DPH1: variants seen among roughly 807,000 people sequenced by gnomAD.
DPH1 encodes the protein 2-(3-amino-3-carboxypropyl)histidine synthase subunit 1.
In DPH1, 59 loss-of-function variants were observed where a neutral mutation model predicts 55.3. That is an observed-to-expected ratio of 1.07 (90% CI 0.87 to 1.33). DPH1 has a LOEUF of 1.33. Ranked by LOEUF, DPH1 falls within the 40% of genes most tolerant of loss-of-function variation. The pLI is 0.00. For synonymous variants in DPH1, 238 were observed against 235.5 expected (o/e 1.01, Z -0.10); for missense variants, 628 against 584.8 (o/e 1.07, Z -0.76).
At chr17:2,040,969 G>A (rs1597287348) in intron 9 of DPH1, 134 bp from the exon 10 acceptor site, 1 of 869,016 alleles carries the variant, frequency 1.2e-6, no homozygotes, top group Admixed American at 2.1e-5. Flanking sequence ...ACAGCAGTGG[G>A]TCACTGTCTT....
rs149243020 is a variant in DPH1, at chr17:2,042,859, T to C, written c.*273T>C. 3.8e-5 allele frequency: 61 copies of C among 1,614,066 alleles called. No individual in the cohort carries two copies. The highest frequency in any genetic ancestry group is 4.9e-5 in the Non-Finnish European group (58 of 1,180,020). Reference sequence around the variant, plus strand: ...CTTCCCCTTGCCACGGTTTATCCTCTTGGTGTCTGGTTTCTGTCCCCGGGG... The same window carrying C: ...CTTCCCCTTGCCACGGTTTATCCTCCTGGTGTCTGGTTTCTGTCCCCGGGG... On this transcript the variant is annotated 3_prime_UTR_variant, in exon 13 of 13. Transcript: ENST00000263083.
chr17:2,040,414 C>G, intron 8 of DPH1, 40 bp downstream of exon 8: 1 of 1,613,402 alleles, frequency 6.2e-7, no homozygotes, highest in African/African-American at 1.3e-5. Flanking sequence ...AGGGAAGTGA[C>G]TGGGAACACA....
intron 9 of DPH1, 55 bp downstream of exon 9, chr17:2,040,660 C>T: frequency 6.3e-7 from 1 of 1,585,264 alleles, no homozygotes; most frequent in Non-Finnish European, 8.7e-7. Context: ...TGGGTCTTGC[C>T]CAGCTCGTCT....
intron 7 of DPH1, 81 bp from the exon 8 acceptor site, chr17:2,040,137 A>C (rs2067491846): frequency 6.4e-7 from 1 of 1,565,634 alleles, no homozygotes; most frequent in Admixed American, 1.7e-5. Context: ...TCAGGAGCCC[A>C]CGGGGCTGAG....
intron 12 of DPH1, 150 bp downstream of exon 12, chr17:2,042,025 T>G (rs2067540312): frequency 6.7e-7 from 1 of 1,498,138 alleles, no homozygotes; most frequent in Non-Finnish European, 8.9e-7. Context: ...TTCCGGTGCT[T>G]CCGTCGCTCC....
At chr17:2,042,460 A>T in intron 12 of DPH1, 145 bp from the exon 13 acceptor site, 1 of 1,264,240 alleles carries the variant, frequency 7.9e-7, no homozygotes, top group Non-Finnish European at 1.0e-6. Context: ...CAATCCACTC[A>T]TTTCCCCCCT....
At chr17:2,035,889 G>C in intron 3 of DPH1, 81 bp from the exon 4 acceptor site, 1 of 1,583,152 alleles carries the variant, frequency 6.3e-7, no homozygotes, top group Non-Finnish European at 8.6e-7. Flanking sequence ...GCTGGGCCCT[G>C]AGACACCCTC....
intron 10 of DPH1, 80 bp downstream of exon 10, chr17:2,041,261 G>C: frequency 6.6e-7 from 1 of 1,519,616 alleles, no homozygotes; most frequent in African/African-American, 1.4e-5. Context: ...GGGTGGGTGG[G>C]CAGCACTTCG....
In DPH1 at chr17:2,043,576, C is replaced by T. The variant is rs2067584603; in HGVS notation, c.*990C>T. 6.3e-6 allele frequency: 1 copy of T among 158,298 alleles called. No homozygotes were observed. Among genetic ancestry groups the T allele is most frequent in the Admixed American group, 6.2e-5 (1 of 16,154 alleles). 9.8% of individuals were successfully genotyped at this position (158,298 alleles called of 1,614,324 possible). On this transcript the variant is annotated 3_prime_UTR_variant, in exon 13 of 13. Coordinates refer to ENST00000263083, the MANE Select transcript of DPH1 (RefSeq NM_001383.6). The stretch of plus-strand genomic sequence containing the variant: ...ACAGGCTGCTGCATGGGTGCACATA[C>T]TCACGTTATTGGTGGAAGTTTTAAG...
chr17:2,033,449 C>G, intron 1 of DPH1, 56 bp from the exon 2 acceptor site: 1 of 1,611,936 alleles, frequency 6.2e-7, no homozygotes, highest in Non-Finnish European at 8.5e-7. Context: ...CCTATTCCAT[C>G]TCAATCTGGC....
Position 2,033,795 on chromosome 17 carries a change from G to A in DPH1, c.231G>A (p.Pro77=), listed in dbSNP as rs368873433. 77 of 1,614,208 alleles carry A rather than the reference G, an allele frequency of 4.8e-5. No individual in the cohort carries two copies. The highest frequency in any genetic ancestry group is 1.7e-4 in the Middle Eastern group (1 of 6,060). The change falls in exon 3 of 13, where the codon CCG becomes CCA. Residue 77 remains proline, a synonymous_variant. Transcript: ENST00000263083. ...GTCTTGCAGTGGCCTTGCAAATGCC[G>A]GAAGGCCTCCTCCTCTTTGCCTGTA... ...AQAKKVALQM[P]EGLLLFACTI... is the part of the protein sequence containing the mutation.
chr17:2,039,776 C>A lies in DPH1; in HGVS notation c.702C>A (p.Phe234Leu). 3 of 1,614,158 alleles carry A rather than the reference C, an allele frequency of 1.9e-6. No homozygotes were observed. Among genetic ancestry groups the A allele is most frequent in the Non-Finnish European group, 2.5e-6 (3 of 1,180,028 alleles). ...GCAGGTATCTTGGAGATGGCCGCTTCCATCTGGAGTCTGTCATGATTGCCA... is the reference window on the plus strand; with the variant it reads ...GCAGGTATCTTGGAGATGGCCGCTTACATCTGGAGTCTGTCATGATTGCCA... ...EAVVYLGDGRFHLESVMIANP... is the reference protein window; with the variant it reads ...EAVVYLGDGRLHLESVMIANP... The change falls in exon 7 of 13, where the codon TTC (phenylalanine) becomes TTA (leucine). Residue 234 changes from phenylalanine (F) to leucine (L), a missense_variant. Coordinates refer to ENST00000263083, the MANE Select transcript of DPH1 (RefSeq NM_001383.6).
rs137977848 is a variant in DPH1 at position 2,042,701 on chromosome 17, G to A, written c.*115G>A. On this transcript the variant is annotated 3_prime_UTR_variant, in exon 13 of 13. Coordinates refer to ENST00000263083, the MANE Select transcript of DPH1 (RefSeq NM_001383.6). Reference sequence around the variant, plus strand: ...TTGGAAGAGCCCGCCGTCTGCAGGGGCCTGGAGGAATCACTGGGGATGGTG... The same window carrying A: ...TTGGAAGAGCCCGCCGTCTGCAGGGACCTGGAGGAATCACTGGGGATGGTG... 71 of 1,550,254 alleles carry A rather than the reference G, an allele frequency of 4.6e-5. No individual in the cohort carries two copies. The African/African-American group carries it at 9.1e-4, about 20-fold the overall frequency.
At chr17:2,030,112 C>T, upstream of DPH1, 2 of 1,564,330 alleles carry the variant, frequency 1.3e-6, no homozygotes, top group Non-Finnish European at 8.7e-7. Flanking sequence ...ATCGCAATGT[C>T]TGCGCTCTCC....
rs1167295298 is a variant in DPH1 at position 2,030,161 on chromosome 17, A to G, written c.-9A>G. On this transcript the variant is annotated 5_prime_UTR_variant, in exon 1 of 13. Transcript: ENST00000263083. ...GCTGTCTTTTTAGTACCACATGCGC[A>G]GGCAGGTGATGGCGGCGCTGGTCGT... 6.2e-7 allele frequency: 1 copy of G among 1,602,528 alleles called. No individual in the cohort carries two copies. Among genetic ancestry groups the G allele is most frequent in the Non-Finnish European group, 8.5e-7 (1 of 1,175,524 alleles).
intron 1 of DPH1, among the ~76,000 whole-genome samples, chr17:2,033,028 G>A (rs766648940): frequency 2.6e-5 from 4 of 152,178 alleles, no homozygotes; most frequent in South Asian, 2.1e-4. Context: ...CACTGCGCCC[G>A]GCTGCAGAGG....
Position 2,041,619 on chromosome 17 carries a change from A to T in DPH1, c.1225A>T (p.Lys409Ter). The stretch of plus-strand genomic sequence containing the variant: ...CGCCCCGGGCCGGCCCGCGCGGGGG[A>T]AGGTAGGCGGGGGCTTCCAGGAGGG... ...PHAPGRPARG[K>*]VQEGSARPPS... Residue 409 changes from lysine to a stop codon, truncating the protein, a stop_gained and splice_region_variant, in exon 11 of 13, where the codon AAG becomes TAG. Transcript: ENST00000263083. LOFTEE classifies it high-confidence loss of function. 6.2e-7 allele frequency: 1 copy of T among 1,601,164 alleles called. No homozygotes were observed. The highest frequency in any genetic ancestry group is 2.3e-5 in the East Asian group (1 of 44,420).
intron 1 of DPH1, among the ~76,000 whole-genome samples, chr17:2,032,572 A>G (rs959170353): frequency 1.3e-5 from 2 of 152,132 alleles, no homozygotes; most frequent in Non-Finnish European, 2.9e-5. Flanking sequence ...GGGTCTTGTT[A>G]CCAAACTCAA....
chr17:2,043,038 C>A lies in DPH1; in HGVS notation c.*452C>A. ...TCACCCTCACCCACTCTGGTGGCCA[C>A]TTCATTCCAGCAGCTGCACCCCAGC... On this transcript the variant is annotated 3_prime_UTR_variant, in exon 13 of 13. Transcript: ENST00000263083. 9 of 1,614,076 alleles carry A rather than the reference C, an allele frequency of 5.6e-6. No homozygotes were observed. Among genetic ancestry groups the A allele is most frequent in the Non-Finnish European group, 7.6e-6 (9 of 1,180,032 alleles).
Sources: allele counts gnomAD v4.1 joint callset (sites outside exome capture counted in the v4.1 genomes callset), GRCh38; gene constraint gnomAD v4.1.1; transcripts MANE v1.5; gene names NCBI Gene and HGNC (gene_info 2026-07-23, HGNC 2026-07-21).